Variants in SEC63 observed in about 807,000 individuals in gnomAD.
SEC63 encodes the protein translocation protein SEC63 homolog.
SEC63 carries 56 observed loss-of-function variants against 116.2 expected under a neutral mutation model. The observed-to-expected ratio is 0.48, with a 90% confidence interval of 0.39 to 0.60. The LOEUF (loss-of-function observed/expected upper bound fraction) is 0.60, where lower values mean the gene tolerates loss of function less well. SEC63 is among the 20% of genes least tolerant of loss of function. The pLI, the probability that SEC63 is intolerant of heterozygous loss-of-function variation, is 0.00. For synonymous variants in SEC63, 273 were observed against 294.6 expected, an observed-to-expected ratio of 0.93 and a Z score of 0.75; for missense variants, 668 against 900.0, an observed-to-expected ratio of 0.74 and a Z score of 3.30.
At chr6:107,874,301 A>G (rs568997302) in intron 19 of SEC63, among the ~76,000 whole-genome samples, 1 of 152,294 alleles carries the variant, frequency 6.6e-6, no homozygotes, top group Admixed American at 6.5e-5. Context: ...AAAGATTAAA[A>G]AAGAACAAGG....
intron 9 of SEC63, 47 bp downstream of exon 9, chr6:107,906,636 C>A: frequency 6.2e-7 from 1 of 1,600,894 alleles, no homozygotes; most frequent in African/African-American, 1.3e-5. Flanking sequence ...AAAGTATTCA[C>A]TTTAATACTT....
chr6:107,920,858 TAC>T (rs879619311), intron 4 of SEC63, among the ~76,000 whole-genome samples: 3 of 152,174 alleles, frequency 2.0e-5, no homozygotes, highest in Non-Finnish European at 4.4e-5. Context: ...ACTTTATAAA[TAC>T]ACAGACATAT....
chr6:107,879,724 CTTTTTT>C (rs67569380), intron 18 of SEC63, among the ~76,000 whole-genome samples: 90 of 126,698 alleles, frequency 7.1e-4, no homozygotes, highest in Middle Eastern at 3.9e-3. Flanking sequence ...TGATTTTTAT[CTTTTTT>C]TTTTTTTTTT....
rs1770258924 is a variant in SEC63 at position 107,936,903 on chromosome 6, T to C, written c.125-7389A>G. 2.0e-5 allele frequency among the ~76,000 whole-genome samples: 3 copies of C among 152,164 alleles called. No individual in the cohort carries two copies. In the South Asian group the frequency reaches 6.2e-4, roughly 32 times the overall value. Reference sequence around the variant, plus strand: ...TTTCAACCCTTGTCTCCTTCCCTCCTTCCTCCCTCTACTAGACCTCAGTGT... The same window carrying C: ...TTTCAACCCTTGTCTCCTTCCCTCCCTCCTCCCTCTACTAGACCTCAGTGT... On this transcript the variant is annotated intron_variant, in intron 1 of 20. Coordinates refer to ENST00000369002, the MANE Select transcript of SEC63 (RefSeq NM_007214.5).
intron 8 of SEC63, among the ~76,000 whole-genome samples, chr6:107,908,590 C>A (rs1019860021): frequency 2.0e-5 from 3 of 152,068 alleles, no homozygotes; most frequent in African/African-American, 7.2e-5. Context: ...CTTACGAGAA[C>A]ACAGCAAAAA....
chr6:107,957,843 C>A (rs1470133389), intron 1 of SEC63, 43 bp downstream of exon 1: 16 of 1,568,660 alleles, frequency 1.0e-5, no homozygotes, highest in Non-Finnish European at 1.4e-5. Context: ...GGGGCGCTGG[C>A]GGGGCCTGCG....
intron 20 of SEC63, 79 bp from the exon 21 acceptor site, chr6:107,871,926 C>A (rs1001830175): frequency 6.9e-7 from 1 of 1,451,664 alleles, no homozygotes; most frequent in African/African-American, 1.4e-5. Flanking sequence ...AAAAGGTTTT[C>A]TTTGACCACA....
intron 16 of SEC63, among the ~76,000 whole-genome samples, chr6:107,889,680 C>T (rs542498192): frequency 1.3e-5 from 2 of 152,024 alleles, no homozygotes; most frequent in South Asian, 2.1e-4. Context: ...GTTAGGGTGT[C>T]GATTTTAGAT....
intron 4 of SEC63, among the ~76,000 whole-genome samples, chr6:107,920,804 ACACTC>A (rs1787538867): frequency 6.6e-6 from 1 of 152,196 alleles, no homozygotes; most frequent in African/African-American, 2.4e-5. Context: ...CTAATGTTAC[ACACTC>A]TATTCTGCTT....
chr6:107,868,022 T>A lies in SEC63; in HGVS notation c.*3682A>T, dbSNP rs1209082968. 6.6e-6 allele frequency: 1 copy of A among 152,288 alleles called. No homozygotes were observed. 9.4% of individuals were successfully genotyped at this position (152,288 alleles called of 1,614,324 possible). On this transcript the variant is annotated 3_prime_UTR_variant, in exon 21 of 21. Coordinates refer to ENST00000369002, the MANE Select transcript of SEC63 (RefSeq NM_007214.5). ...ACAGAAATATGTACAAGATCGCATC[T>A]TTTTAAGTTTTGCAAAATAGCCCTA...
chr6:107,948,370 G>A (rs1312562017), intron 1 of SEC63, among the ~76,000 whole-genome samples: 4 of 152,106 alleles, frequency 2.6e-5, no homozygotes, highest in African/African-American at 9.7e-5. Context: ...ACCTCCTCTA[G>A]GACGCAGTTT....
At chr6:107,933,599 C>A (rs560197340) in intron 1 of SEC63, among the ~76,000 whole-genome samples, 1 of 152,286 alleles carries the variant, frequency 6.6e-6, no homozygotes, top group Non-Finnish European at 1.5e-5. Context: ...GGTCTCTAAT[C>A]TTTAAAGCAG....
At chr6:107,913,825 T>C (rs1787339982) in intron 4 of SEC63, among the ~76,000 whole-genome samples, 1 of 152,240 alleles carries the variant, frequency 6.6e-6, no homozygotes, top group South Asian at 2.1e-4. Context: ...AGCATGTTTA[T>C]ACATTAGTAA....
intron 16 of SEC63, among the ~76,000 whole-genome samples, chr6:107,886,051 C>G (rs1237959492): frequency 2.0e-5 from 3 of 152,076 alleles, no homozygotes; most frequent in African/African-American, 7.2e-5. Flanking sequence ...ATGTTCCCCT[C>G]CCTGTGTCCA....
At chr6:107,929,643 C>G in intron 1 of SEC63, 129 bp from the exon 2 acceptor site, 1 of 628,996 alleles carries the variant, frequency 1.6e-6, no homozygotes. Flanking sequence ...ACTGCCTATT[C>G]AAATAGCCTT....
At chr6:107,893,119 C>T (rs1422073853) in intron 16 of SEC63, among the ~76,000 whole-genome samples, 2 of 23,848 alleles carry the variant, frequency 8.4e-5, no homozygotes, top group South Asian at 1.3e-3. Flanking sequence ...CACACACACA[C>T]ACACACACAC....
intron 14 of SEC63, 152 bp from the exon 15 acceptor site, chr6:107,894,049 G>C (rs1159632096): frequency 1.2e-6 from 1 of 808,966 alleles, no homozygotes; most frequent in African/African-American, 1.7e-5. Flanking sequence ...ACTAGCTGAT[G>C]AATGTGTGCC....
intron 10 of SEC63, among the ~76,000 whole-genome samples, chr6:107,906,024 A>C (rs1451097201): frequency 6.6e-6 from 1 of 152,166 alleles, no homozygotes; most frequent in Admixed American, 6.5e-5. Flanking sequence ...CTCATGTTGA[A>C]TGGTAATCCC....
At chr6:107,889,304 A>G (rs1445490079) in intron 16 of SEC63, among the ~76,000 whole-genome samples, 1 of 151,984 alleles carries the variant, frequency 6.6e-6, no homozygotes, top group African/African-American at 2.4e-5. Context: ...TCGACTTCTT[A>G]ATGATTTAGT....
Sources: gnomAD v4.1 joint callset for allele counts (sites outside exome capture counted in the v4.1 genomes callset) on GRCh38, gnomAD v4.1.1 for gene constraint, MANE v1.5 for transcripts, NCBI Gene and HGNC (gene_info 2026-07-23, HGNC 2026-07-21) for gene names.